The following TENM3 variants were observed in gnomAD, a reference collection of about 807,000 sequenced individuals.
The protein encoded by TENM3 is teneurin-3.
TENM3 carries 63 observed loss-of-function variants against 255.1 expected under a neutral mutation model. The ratio of observed to expected loss-of-function variants is 0.25; its 90% confidence interval spans 0.20 to 0.30. TENM3 has a LOEUF of 0.30. TENM3 is among the 10% of genes least tolerant of loss of function. TENM3 has a pLI of 1.00. For synonymous variants in TENM3, 1,306 were observed against 1,322.3 expected (o/e 0.99, Z 0.27); for missense variants, 2,929 against 3,461.1 (o/e 0.85, Z 3.86).
At chr4:181,963,058 A>G in the TENM3 span, among the ~76,000 whole-genome samples, 1 of 152,182 alleles carries the variant, frequency 6.6e-6, no homozygotes, top group African/African-American at 2.4e-5. Flanking sequence ...GAATACTTTG[A>G]CATAGATTGT....
chr4:182,497,261 C>T (rs1735865752), intron 3 of TENM3, among the ~76,000 whole-genome samples: 1 of 151,968 alleles, frequency 6.6e-6, no homozygotes, highest in African/African-American at 2.4e-5. Flanking sequence ...CCATGTTGGC[C>T]AAGATGGCCT....
At chr4:181,688,567 CT>C in the TENM3 span, among the ~76,000 whole-genome samples, 1 of 152,272 alleles carries the variant, frequency 6.6e-6, no homozygotes, top group East Asian at 1.9e-4. Context: ...CTCACATCCC[CT>C]GCTGTGAAAA....
intron 1 of TENM3, among the ~76,000 whole-genome samples, chr4:182,170,392 G>A (rs1752022742): frequency 6.6e-6 from 1 of 152,160 alleles, no homozygotes; most frequent in African/African-American, 2.4e-5. Context: ...TGCTTTGCAA[G>A]TAGCACCTTT....
chr4:181,785,815 TACACACACAC>T, the TENM3 span, among the ~76,000 whole-genome samples: 7 of 149,134 alleles, frequency 4.7e-5, no homozygotes, highest in African/African-American at 1.7e-4. Flanking sequence ...CACACACACA[TACACACACAC>T]ACACACACAC....
At chr4:182,651,933 A>ATAG (rs1247722651) in intron 5 of TENM3, among the ~76,000 whole-genome samples, 2 of 152,232 alleles carry the variant, frequency 1.3e-5, no homozygotes, top group Non-Finnish European at 1.5e-5. Context: ...TTAATTACAT[A>ATAG]TAGTAGTAGT....
At chr4:182,699,715 A>G (rs1249620824) in intron 12 of TENM3, among the ~76,000 whole-genome samples, 2 of 152,180 alleles carry the variant, frequency 1.3e-5, no homozygotes, top group African/African-American at 4.8e-5. Flanking sequence ...ATAAAAGCCG[A>G]GTAAGTGATA....
At chr4:182,003,220 T>G in the TENM3 span, among the ~76,000 whole-genome samples, 1 of 152,084 alleles carries the variant, frequency 6.6e-6, no homozygotes, top group African/African-American at 2.4e-5. Flanking sequence ...CAATTATATT[T>G]TATGTCCATC....
intron 3 of TENM3, among the ~76,000 whole-genome samples, chr4:182,521,535 A>G (rs904912188): frequency 2.6e-5 from 4 of 152,214 alleles, no homozygotes; most frequent in African/African-American, 7.2e-5. Flanking sequence ...TCCAGCAGGG[A>G]GATAAATGCC....
At chr4:181,912,493 G>T in the TENM3 span, among the ~76,000 whole-genome samples, 4 of 152,092 alleles carry the variant, frequency 2.6e-5, no homozygotes, top group Non-Finnish European at 4.4e-5. Context: ...GAGTTTTTAA[G>T]ATTGGTGAAG....
the TENM3 span, among the ~76,000 whole-genome samples, chr4:181,673,410 G>A: frequency 2.0e-5 from 3 of 152,054 alleles, no homozygotes; most frequent in Non-Finnish European, 4.4e-5. Flanking sequence ...ATCATGTAAC[G>A]TCATATAAAA....
the TENM3 span, among the ~76,000 whole-genome samples, chr4:181,715,778 C>A: frequency 1.3e-5 from 2 of 152,144 alleles, no homozygotes; most frequent in East Asian, 1.9e-4. Context: ...TGGGCAGTAC[C>A]AACTCTATTG....
chr4:182,755,074 C>A lies in TENM3; in HGVS notation c.4707C>A (p.Asp1569Glu). The A allele has an allele frequency of 6.2e-7, 1 of 1,613,962 alleles. No homozygotes were observed. Among genetic ancestry groups the A allele is most frequent in the Non-Finnish European group, 8.5e-7 (1 of 1,179,884 alleles). The change falls in exon 22 of 28, where the codon GAC (aspartate) becomes GAA (glutamate). Residue 1569 changes from aspartate to glutamate, a missense_variant. Around this residue, in one of 6 missense-constraint regions of TENM3, gnomAD observed 1,608 missense variants for 1,884.4 expected, o/e 0.85. Coordinates refer to ENST00000511685, the MANE Select transcript of TENM3 (RefSeq NM_001080477.4). ...GCAACACCCTTAGAATTAGACGGGACCCAAATCGCATGCCAGTTCGAGTGG... is the reference window on the plus strand; with the variant it reads ...GCAACACCCTTAGAATTAGACGGGAACCAAATCGCATGCCAGTTCGAGTGG... ...SNGNTLRIRR[D>E]PNRMPVRVVS...
At chr4:181,492,180 G>A in the TENM3 span, among the ~76,000 whole-genome samples, 1 of 152,100 alleles carries the variant, frequency 6.6e-6, no homozygotes, top group Non-Finnish European at 1.5e-5. Flanking sequence ...CACGTGAGAA[G>A]GTCTATGCCA....
intron 3 of TENM3, among the ~76,000 whole-genome samples, chr4:182,448,311 C>T (rs1773102166): frequency 6.6e-6 from 1 of 152,182 alleles, no homozygotes; most frequent in Non-Finnish European, 1.5e-5. Flanking sequence ...GCTGCGTTCA[C>T]GAGCGACACC....
intron 3 of TENM3, among the ~76,000 whole-genome samples, chr4:182,406,044 G>C (rs750244086): frequency 6.6e-6 from 1 of 152,162 alleles, no homozygotes; most frequent in Non-Finnish European, 1.5e-5. Context: ...GGTGGTTCAC[G>C]CCTGTAATCC....
At chr4:181,594,212 G>C in the TENM3 span, among the ~76,000 whole-genome samples, 2 of 152,170 alleles carry the variant, frequency 1.3e-5, no homozygotes, top group Non-Finnish European at 2.9e-5. Flanking sequence ...TGAATAAGGT[G>C]AAGTGTGAAT....
rs1760590504 is a variant in TENM3, at chr4:182,730,335, C to T, written c.2705+16C>T. On this transcript the variant is annotated intron_variant, in intron 15 of 27. Coordinates refer to ENST00000511685, the MANE Select transcript of TENM3 (RefSeq NM_001080477.4). ...AGGACGGAATGTGAGTTAGTCCCAT[C>T]ACACTATCTCTGAAGGATTTGAAAT... 4 of 1,612,774 alleles carry T rather than the reference C, an allele frequency of 2.5e-6. No individual in the cohort carries two copies. Among genetic ancestry groups the T allele is most frequent in the Admixed American group, 3.3e-5 (2 of 59,980 alleles).
chr4:181,621,346 A>C, the TENM3 span, among the ~76,000 whole-genome samples: 1 of 152,222 alleles, frequency 6.6e-6, no homozygotes, highest in African/African-American at 2.4e-5. Flanking sequence ...GTCAAGAAAA[A>C]TATTTGTTTA....
chr4:181,517,570 CAT>C, the TENM3 span, among the ~76,000 whole-genome samples: 3 of 152,210 alleles, frequency 2.0e-5, no homozygotes, highest in Admixed American at 6.5e-5. Context: ...TTCGCACACA[CAT>C]ATCTATGGTA....
Sources: gnomAD v4.1 joint callset for allele counts (sites outside exome capture counted in the v4.1 genomes callset) on GRCh38, gnomAD v4.1.1 for gene constraint, gnomAD v4.1.1 regional missense constraint, MANE v1.5 for transcripts, NCBI Gene and HGNC (gene_info 2026-07-23, HGNC 2026-07-21) for gene names.